TMEM114: variants seen among roughly 807,000 people sequenced by gnomAD.
TMEM114 encodes the protein claudin-26.
A neutral mutation model predicts 6.2 loss-of-function variants in TMEM114; 6 were observed. The observed-to-expected ratio is 0.97, with a 90% CI of 0.53 to 1.91. The LOEUF is 1.91. TMEM114 is among the 40% of genes most tolerant of loss of function. The pLI is 0.01. For missense variants in TMEM114, 218 were observed against 158.3 expected (o/e 1.38, Z -2.02); for synonymous variants, 104 against 73.0 (o/e 1.42, Z -2.16).
At chr16:8,566,406 C>A (rs917304371), downstream of TMEM114, among the ~76,000 whole-genome samples, 2 of 149,812 alleles carry the variant, frequency 1.3e-5, no homozygotes, top group Non-Finnish European at 1.5e-5. Context: ...TAGAACAGAA[C>A]AGGTCAGAAT....
the TMEM114 span, among the ~76,000 whole-genome samples, chr16:8,530,890 T>G: frequency 6.6e-6 from 1 of 151,954 alleles, no homozygotes; most frequent in African/African-American, 2.4e-5. Flanking sequence ...CAGGGTGTGG[T>G]GGCATACGCA....
At chr16:8,549,868 A>C (rs180985578) in intron 2 of TMEM114, among the ~76,000 whole-genome samples, 1 of 152,210 alleles carries the variant, frequency 6.6e-6, no homozygotes, top group African/African-American at 2.4e-5. Context: ...ATTGGCTCAC[A>C]TGATCACAAG....
At chr16:8,530,414 T>A in the TMEM114 span, among the ~76,000 whole-genome samples, 1 of 152,166 alleles carries the variant, frequency 6.6e-6, no homozygotes, top group African/African-American at 2.4e-5. Flanking sequence ...TCTAGATTAG[T>A]TCTTAAAACT....
At chr16:8,556,044 A>T (rs1452230515) in intron 2 of TMEM114, among the ~76,000 whole-genome samples, 3 of 152,166 alleles carry the variant, frequency 2.0e-5, no homozygotes, top group African/African-American at 7.2e-5. Flanking sequence ...GCCTCCTGGC[A>T]TTTTCCAGCT....
downstream of TMEM114, among the ~76,000 whole-genome samples, chr16:8,566,897 GTTTT>G (rs71150402): frequency 3.1e-5 from 3 of 98,286 alleles, no homozygotes; most frequent in Admixed American, 1.3e-4. Context: ...CATCACCCTG[GTTTT>G]TTTTTTTTTT....
intron 2 of TMEM114, among the ~76,000 whole-genome samples, chr16:8,551,584 C>A (rs745484804): frequency 6.6e-6 from 1 of 152,174 alleles, no homozygotes; most frequent in African/African-American, 2.4e-5. Context: ...GACAACATTC[C>A]CAGTATCCTC....
At chr16:8,548,801 G>A (rs146917428) in intron 2 of TMEM114, among the ~76,000 whole-genome samples, 7 of 151,946 alleles carry the variant, frequency 4.6e-5, no homozygotes, top group African/African-American at 1.7e-4. Context: ...CGTAGTCAGT[G>A]GAGGAGCTAC....
intron 2 of TMEM114, among the ~76,000 whole-genome samples, chr16:8,586,223 G>A (rs1490927350): frequency 6.6e-6 from 1 of 152,224 alleles, no homozygotes; most frequent in Non-Finnish European, 1.5e-5. Flanking sequence ...CTTACCATAT[G>A]TCTGGAAACT....
downstream of TMEM114, among the ~76,000 whole-genome samples, chr16:8,567,957 G>A (rs569750473): frequency 4.1e-4 from 62 of 152,254 alleles, no homozygotes; most frequent in African/African-American, 1.4e-3. Flanking sequence ...CTCCTTTTGC[G>A]CCTTTCCGGA....
chr16:8,570,056 ACT>A, intron 3 of TMEM114, 51 bp from the exon 4 acceptor site: 1 of 1,506,312 alleles, frequency 6.6e-7, no homozygotes, highest in South Asian at 1.3e-5. Flanking sequence ...CCGCCCCAGC[ACT>A]CCCCTCCTCC....
rs919203527 is a variant in TMEM114 at position 8,590,019 on chromosome 16, C to T, written c.-181G>A. 1.3e-5 allele frequency: 5 copies of T among 381,138 alleles called. No homozygotes were observed. Among genetic ancestry groups the T allele is most frequent in the African/African-American group, 6.3e-5 (3 of 47,860 alleles). 23.6% of individuals were successfully genotyped at this position (381,138 alleles called of 1,614,324 possible). A position where few individuals can be genotyped will look rare whatever the true frequency, so the allele number is the denominator to read the frequency against. ...CCCTAGCTTAGACCCTGGCTCCTCA[C>T]CTGCCGGCTCCGACCTGCACGCGCC... On this transcript the variant is annotated 5_prime_UTR_variant, in exon 1 of 4. In the 5' UTR this introduces an upstream ATG that the reference lacks. Transcript: ENST00000620492.
intron 2 of TMEM114, among the ~76,000 whole-genome samples, chr16:8,581,381 G>C (rs1902142802): frequency 6.6e-6 from 1 of 152,196 alleles, no homozygotes; most frequent in Non-Finnish European, 1.5e-5. Context: ...AGGCTATACA[G>C]ACCTTGTTTT....
chr16:8,576,028 T>C (rs1449101583), intron 2 of TMEM114, among the ~76,000 whole-genome samples: 1 of 152,158 alleles, frequency 6.6e-6, no homozygotes, highest in Non-Finnish European at 1.5e-5. Flanking sequence ...GGTGTTCTGC[T>C]GGATATAATC....
At chr16:8,532,036 G>A in the TMEM114 span, 1 of 152,256 alleles carries the variant, frequency 6.6e-6, no homozygotes, top group Non-Finnish European at 1.5e-5. Flanking sequence ...ACGGAGAGGT[G>A]GATTGCTTAT....
intron 2 of TMEM114, among the ~76,000 whole-genome samples, chr16:8,547,680 C>T (rs564903941): frequency 2.2e-4 from 33 of 152,212 alleles, no homozygotes; most frequent in South Asian, 6.2e-4. Context: ...CATGAGCCAC[C>T]GCACCCAGCC....
At chr16:8,581,690 G>C (rs1345556901) in intron 2 of TMEM114, among the ~76,000 whole-genome samples, 1 of 152,272 alleles carries the variant, frequency 6.6e-6, no homozygotes, top group East Asian at 1.9e-4. Flanking sequence ...CTGACCTCAA[G>C]TGATCCGCCC....
chr16:8,545,383 C>G (rs761695295), intron 2 of TMEM114, among the ~76,000 whole-genome samples: 1 of 152,192 alleles, frequency 6.6e-6, no homozygotes, highest in Non-Finnish European at 1.5e-5. Flanking sequence ...TTGCAGTGAG[C>G]TGTAATCATA....
chr16:8,548,585 C>G (rs1176060088), intron 2 of TMEM114, among the ~76,000 whole-genome samples: 1 of 152,016 alleles, frequency 6.6e-6, no homozygotes, highest in East Asian at 1.9e-4. Flanking sequence ...ATTGTAGTAT[C>G]CTAGACCTTT....
At chr16:8,544,996 C>T (rs889101517) in intron 2 of TMEM114, among the ~76,000 whole-genome samples, 2 of 152,058 alleles carry the variant, frequency 1.3e-5, no homozygotes, top group Admixed American at 6.5e-5. Context: ...CATTGAAATG[C>T]AGTTTCCACA....
Sources: allele counts gnomAD v4.1 joint callset (sites outside exome capture counted in the v4.1 genomes callset), GRCh38; gene constraint gnomAD v4.1.1; transcripts MANE v1.5; gene names NCBI Gene and HGNC (gene_info 2026-07-23, HGNC 2026-07-21).